SHISA9: variants seen among roughly 807,000 people sequenced by gnomAD.
SHISA9 encodes the protein protein shisa-9.
A neutral mutation model predicts 38.0 loss-of-function variants in SHISA9; 13 were observed. The ratio of observed to expected loss-of-function variants is 0.34; its 90% CI spans 0.22 to 0.54. The LOEUF is 0.54. SHISA9 is among the 20% of genes least tolerant of loss of function. The pLI is 0.91. For synonymous variants in SHISA9, 275 were observed against 242.0 expected, an observed-to-expected ratio of 1.14 and a Z score of -1.27; for missense variants, 538 against 575.8, an observed-to-expected ratio of 0.93 and a Z score of 0.67.
the SHISA9 span, among the ~76,000 whole-genome samples, chr16:13,321,421 A>C: frequency 6.6e-6 from 1 of 152,224 alleles, no homozygotes; most frequent in African/African-American, 2.4e-5. Context: ...AATTCCCCTA[A>C]GAGCAAATAA....
At chr16:13,409,116 G>A in the SHISA9 span, among the ~76,000 whole-genome samples, 57 of 152,300 alleles carry the variant, frequency 3.7e-4, no homozygotes, top group Non-Finnish European at 7.2e-4. Context: ...AAGACGAAGA[G>A]AAGGAATATC....
intron 2 of SHISA9, among the ~76,000 whole-genome samples, chr16:12,970,444 C>CAT (rs1287488229): frequency 0.1 from 4,789 of 46,232 alleles, 464 homozygotes; most frequent in Non-Finnish European, 0.12. Flanking sequence ...TATATACACA[C>CAT]ATATATATAT....
chr16:13,458,701 A>T, the SHISA9 span: 40 of 242,986 alleles, frequency 1.6e-4, no homozygotes, highest in African/African-American at 8.5e-4. Flanking sequence ...GGATGTAAAA[A>T]AAAAATTTAT....
chr16:13,299,379 G>A, the SHISA9 span, among the ~76,000 whole-genome samples: 2 of 152,186 alleles, frequency 1.3e-5, no homozygotes, highest in African/African-American at 2.4e-5. Flanking sequence ...GCACGGAAAC[G>A]TTATGTAACT....
chr16:13,519,096 C>A, the SHISA9 span, among the ~76,000 whole-genome samples: 1 of 151,798 alleles, frequency 6.6e-6, no homozygotes, highest in South Asian at 2.1e-4. Flanking sequence ...TTATTTATCA[C>A]AAAAAAGAGA....
intron 3 of SHISA9, among the ~76,000 whole-genome samples, chr16:13,205,821 G>C (rs998569739): frequency 9.2e-5 from 14 of 152,048 alleles, no homozygotes; most frequent in African/African-American, 3.1e-4. Flanking sequence ...GAGCGCAGTG[G>C]CACGATATCG....
At chr16:13,546,190 A>G in the SHISA9 span, among the ~76,000 whole-genome samples, 3 of 151,884 alleles carry the variant, frequency 2.0e-5, no homozygotes, top group African/African-American at 7.3e-5. Context: ...ACTTTCTACA[A>G]AATTCCTCAG....
chr16:13,155,712 G>T (rs1301786737), intron 2 of SHISA9, among the ~76,000 whole-genome samples: 1 of 152,276 alleles, frequency 6.6e-6, no homozygotes, highest in African/African-American at 2.4e-5. Flanking sequence ...GGGCCTGGGG[G>T]AAACGTGGCT....
intron 2 of SHISA9, among the ~76,000 whole-genome samples, chr16:13,198,336 GTGTATATGCATACATATATACTTGTA>G (rs2050969973): frequency 7.0e-6 from 1 of 142,272 alleles, no homozygotes; most frequent in African/African-American, 2.6e-5. Context: ...ATATACTTGT[GTGTATATGCATACATATATACTTGTA>G]TGTGTATGTA....
chr16:13,111,776 A>T (rs1368958759), intron 2 of SHISA9, among the ~76,000 whole-genome samples: 1 of 152,116 alleles, frequency 6.6e-6, no homozygotes, highest in Non-Finnish European at 1.5e-5. Flanking sequence ...CTCCCCAAAG[A>T]TTTGGATTCT....
intron 2 of SHISA9, among the ~76,000 whole-genome samples, chr16:13,076,730 G>A (rs989860984): frequency 1.3e-5 from 2 of 152,186 alleles, no homozygotes; most frequent in African/African-American, 4.8e-5. Context: ...ATCGGCAATA[G>A]CCTCTTGCAG....
chr16:12,912,333 A>C (rs2071195775), intron 1 of SHISA9, among the ~76,000 whole-genome samples: 1 of 152,148 alleles, frequency 6.6e-6, no homozygotes, highest in African/African-American at 2.4e-5. Context: ...TTTGGTACTC[A>C]AGAGAAGCCC....
chr16:13,249,104 G>C, the SHISA9 span, among the ~76,000 whole-genome samples: 1 of 152,172 alleles, frequency 6.6e-6, no homozygotes, highest in African/African-American at 2.4e-5. Flanking sequence ...GAAAAGAGGT[G>C]CATGGAAACA....
chr16:13,077,571 G>A (rs2073597798), intron 2 of SHISA9, among the ~76,000 whole-genome samples: 1 of 152,124 alleles, frequency 6.6e-6, no homozygotes, highest in Non-Finnish European at 1.5e-5. Context: ...AAAACTGGGG[G>A]ATGGGGAAAC....
intron 2 of SHISA9, among the ~76,000 whole-genome samples, chr16:12,925,849 T>A (rs1018358724): frequency 1.3e-5 from 2 of 152,150 alleles, no homozygotes; most frequent in African/African-American, 4.8e-5. Flanking sequence ...ACAATTGCTT[T>A]TTTTCTGTAC....
At chr16:13,184,968 A>G (rs928732896) in intron 2 of SHISA9, among the ~76,000 whole-genome samples, 19 of 152,222 alleles carry the variant, frequency 1.2e-4, no homozygotes, top group Admixed American at 5.2e-4. Context: ...GGATTGGAGG[A>G]TCATATTGTA....
chr16:13,444,762 A>G, the SHISA9 span, among the ~76,000 whole-genome samples: 1 of 144,156 alleles, frequency 6.9e-6, no homozygotes, highest in Non-Finnish European at 1.5e-5. Flanking sequence ...CCAGATCTGG[A>G]AAAAGATTTC....
At chr16:12,986,577 A>G (rs1399699476) in intron 2 of SHISA9, among the ~76,000 whole-genome samples, 2 of 152,096 alleles carry the variant, frequency 1.3e-5, no homozygotes, top group Admixed American at 6.6e-5. Context: ...TTCAGACTGG[A>G]TATTGGAGGG....
intron 2 of SHISA9, among the ~76,000 whole-genome samples, chr16:12,947,832 C>T (rs1458659443): frequency 6.6e-6 from 1 of 152,132 alleles, no homozygotes; most frequent in Non-Finnish European, 1.5e-5. Flanking sequence ...TATAATTTTG[C>T]AAAGATGGGA....
Sources: gnomAD v4.1 joint callset for allele counts (sites outside exome capture counted in the v4.1 genomes callset) on GRCh38, gnomAD v4.1.1 for gene constraint, MANE v1.5 for transcripts, NCBI Gene and HGNC (gene_info 2026-07-23, HGNC 2026-07-21) for gene names.